The following FGF14 variants were observed in gnomAD, a reference collection of about 807,000 sequenced individuals.
FGF14 encodes the protein fibroblast growth factor 14, also known as fibroblast growth factor homologous factor 4.
A neutral mutation model predicts 25.5 loss-of-function variants in FGF14; 5 were observed. The ratio of observed to expected loss-of-function variants is 0.20; its 90% CI spans 0.10 to 0.41. The LOEUF (loss-of-function observed/expected upper bound fraction) is 0.41. Ranked by LOEUF, FGF14 falls within the 10% of genes least tolerant of loss-of-function variation. The pLI is 1.00. For synonymous variants in FGF14, 138 were observed against 118.3 expected (o/e 1.17, Z -1.08); for missense variants, 222 against 320.1 (o/e 0.69, Z 2.34).
intron 1 of FGF14, among the ~76,000 whole-genome samples, chr13:101,961,201 T>A (rs1055381911): frequency 6.6e-6 from 1 of 152,210 alleles, no homozygotes; most frequent in Non-Finnish European, 1.5e-5. Flanking sequence ...CTAGATCCCA[T>A]GTGTCAATTT....
intron 1 of FGF14, among the ~76,000 whole-genome samples, chr13:102,096,648 A>G (rs745664882): frequency 9.2e-5 from 14 of 151,910 alleles, no homozygotes; most frequent in Non-Finnish European, 1.8e-4. Context: ...GGGTACTTGA[A>G]TTTTTCAAGC....
At chr13:101,921,006 A>C (rs1197561676), upstream of FGF14, among the ~76,000 whole-genome samples, 1 of 152,056 alleles carries the variant, frequency 6.6e-6, no homozygotes, top group African/African-American at 2.4e-5. Context: ...TCCAACTTTA[A>C]GTATGTTGTT....
chr13:102,249,549 GGTGTGTGTGTGTGT>G (rs55773652), intron 1 of FGF14, among the ~76,000 whole-genome samples: 1 of 150,296 alleles, frequency 6.7e-6, no homozygotes, highest in African/African-American at 2.4e-5. Context: ...TACTGAGAGG[GGTGTGTGTGTGTGT>G]GTGTGTGTGT....
chr13:102,367,308 G>A (rs1260369073), intron 1 of FGF14: 1 of 152,180 alleles, frequency 6.6e-6, no homozygotes, highest in Non-Finnish European at 1.5e-5. Context: ...CCTGGGTGTT[G>A]GCAGCAGGTC....
chr13:101,837,554 A>C (rs1162739011), intron 3 of FGF14, among the ~76,000 whole-genome samples: 1 of 152,108 alleles, frequency 6.6e-6, no homozygotes, highest in Non-Finnish European at 1.5e-5. Flanking sequence ...TATATCTAAC[A>C]ACAATGATGT....
At chr13:102,393,680 C>T (rs1197594159) in intron 1 of FGF14, 1 of 152,198 alleles carries the variant, frequency 6.6e-6, no homozygotes, top group South Asian at 2.1e-4. Flanking sequence ...CCACACAATT[C>T]TATGAAGCGC....
At chr13:101,890,251 T>C (rs1259096862) in intron 1 of FGF14, among the ~76,000 whole-genome samples, 3 of 152,164 alleles carry the variant, frequency 2.0e-5, no homozygotes, top group Admixed American at 6.5e-5. Flanking sequence ...TTTGGGTGCT[T>C]TTGTCTCATG....
chr13:102,392,203 T>A (rs1174187890), intron 1 of FGF14, among the ~76,000 whole-genome samples: 2 of 152,194 alleles, frequency 1.3e-5, no homozygotes, highest in African/African-American at 2.4e-5. Context: ...TTCATTCCTA[T>A]CTAAAAAAGC....
intron 1 of FGF14, among the ~76,000 whole-genome samples, chr13:102,167,769 G>C (rs556392612): frequency 1.9e-4 from 28 of 148,362 alleles, no homozygotes; most frequent in Non-Finnish European, 3.6e-4. Flanking sequence ...TCCTCATTAA[G>C]ATATTAGAAA....
At chr13:101,892,064 T>C (rs1332030731) in intron 1 of FGF14, among the ~76,000 whole-genome samples, 1 of 152,152 alleles carries the variant, frequency 6.6e-6, no homozygotes, top group East Asian at 1.9e-4. Context: ...GGAGAACTGA[T>C]AAGATTACCA....
intron 3 of FGF14, among the ~76,000 whole-genome samples, chr13:101,852,446 A>G (rs535122285): frequency 1.3e-5 from 2 of 152,228 alleles, no homozygotes; most frequent in East Asian, 3.9e-4. Context: ...TGAAGGAGGA[A>G]AAAAACAATC....
intron 1 of FGF14, among the ~76,000 whole-genome samples, chr13:102,396,926 C>T (rs1402108605): frequency 6.6e-6 from 1 of 152,182 alleles, no homozygotes; most frequent in Non-Finnish European, 1.5e-5. Context: ...TGGATGGAGT[C>T]TAAGGCCAAC....
intron 1 of FGF14, among the ~76,000 whole-genome samples, chr13:102,198,067 T>C (rs2049444708): frequency 6.6e-6 from 1 of 152,218 alleles, no homozygotes; most frequent in African/African-American, 2.4e-5. Context: ...AGCTTTATCC[T>C]TCCCCTACCC....
chr13:102,346,056 T>C (rs1258732565), intron 1 of FGF14, among the ~76,000 whole-genome samples: 3 of 152,208 alleles, frequency 2.0e-5, no homozygotes, highest in Non-Finnish European at 4.4e-5. Context: ...GATTATCAAA[T>C]GTGTAGTAAC....
At chr13:102,131,524 A>G (rs1168947658) in intron 1 of FGF14, among the ~76,000 whole-genome samples, 1 of 152,030 alleles carries the variant, frequency 6.6e-6, no homozygotes, top group Admixed American at 6.6e-5. Context: ...ACTCATTCTC[A>G]TCTCCATGGT....
intron 1 of FGF14, chr13:102,367,424 T>A (rs2057745570): frequency 6.6e-6 from 1 of 152,282 alleles, no homozygotes; most frequent in Non-Finnish European, 1.5e-5. Flanking sequence ...CACTGACACA[T>A]GAAAACACCA....
intron 1 of FGF14, among the ~76,000 whole-genome samples, chr13:101,933,085 A>C (rs1416213423): frequency 6.6e-6 from 1 of 152,202 alleles, no homozygotes; most frequent in Non-Finnish European, 1.5e-5. Context: ...TATGAAGATG[A>C]CTGAATTAAT....
intron 1 of FGF14, among the ~76,000 whole-genome samples, chr13:101,964,726 G>A (rs144424580): frequency 2.1e-3 from 323 of 151,942 alleles, no homozygotes; most frequent in African/African-American, 7.4e-3. Context: ...AGCAATTAAA[G>A]AATAGTATTT....
intron 1 of FGF14, among the ~76,000 whole-genome samples, chr13:102,041,217 ATAAT>A (rs1021567121): frequency 3.9e-5 from 6 of 152,188 alleles, no homozygotes; most frequent in African/African-American, 1.2e-4. Flanking sequence ...CAAGAAAAAT[ATAAT>A]TATTTAAAAA....
Sources: allele counts gnomAD v4.1 joint callset (sites outside exome capture counted in the v4.1 genomes callset), GRCh38; gene constraint gnomAD v4.1.1; transcripts MANE v1.5; gene names NCBI Gene and HGNC (gene_info 2026-07-23, HGNC 2026-07-21).